The following SH3GL2 variants were observed in gnomAD, a reference collection of about 807,000 sequenced individuals.
SH3GL2 encodes SH3 domain containing GRB2 like 2, endophilin A1, also known as endophilin-A1.
SH3GL2 carries 24 observed loss-of-function variants against 46.0 expected under a neutral mutation model. The ratio of observed to expected loss-of-function variants is 0.52; its 90% confidence interval spans 0.38 to 0.73. The LOEUF is 0.73. SH3GL2 is among the 30% of genes least tolerant of loss of function. The probability of loss-of-function intolerance (pLI) is 0.00; values close to 1 mark genes in which losing one functional copy is unlikely to be tolerated. For synonymous variants in SH3GL2, 196 were observed against 147.1 expected (o/e 1.33, Z -2.40); for missense variants, 413 against 424.2 (o/e 0.97, Z 0.23).
chr9:17,734,643 A>G (rs998396442), intron 1 of SH3GL2, among the ~76,000 whole-genome samples: 7 of 152,152 alleles, frequency 4.6e-5, no homozygotes, highest in African/African-American at 1.7e-4. Flanking sequence ...GCAGTGATAC[A>G]TGTCACAACA....
At chr9:17,619,765 T>C (rs1819094669) in intron 1 of SH3GL2, among the ~76,000 whole-genome samples, 1 of 152,258 alleles carries the variant, frequency 6.6e-6, no homozygotes, top group African/African-American at 2.4e-5. Flanking sequence ...TGTCCATTTT[T>C]TCACAATAGA....
rs149290271 is a variant in SH3GL2, at chr9:17,735,636, A to C, written c.46-11430A>C. 1.5e-3 allele frequency: 326 copies of C among 216,828 alleles called. 2 individuals carry two copies. Among genetic ancestry groups the C allele is most frequent in the African/African-American group, 7.2e-3 (306 of 42,684 alleles). The allele number at this position is 216,828 out of a possible 1,614,324, so 13.4% of individuals were successfully genotyped here. ...ACAGGGCCAACTGAGGGACTTGAGCATATAAGATTTTGGTAGACACAGGGG... is the reference window on the plus strand; with the variant it reads ...ACAGGGCCAACTGAGGGACTTGAGCCTATAAGATTTTGGTAGACACAGGGG... On this transcript the variant is annotated intron_variant, in intron 1 of 8. Coordinates refer to ENST00000380607, the MANE Select transcript of SH3GL2 (RefSeq NM_003026.5).
intron 1 of SH3GL2, among the ~76,000 whole-genome samples, chr9:17,743,383 C>A (rs973766975): frequency 2.6e-5 from 4 of 151,322 alleles, no homozygotes; most frequent in African/African-American, 9.7e-5. Flanking sequence ...ACCATTCAGG[C>A]CAGTATAAGT....
chr9:17,615,535 A>G (rs1017263316), intron 1 of SH3GL2, among the ~76,000 whole-genome samples: 8 of 151,824 alleles, frequency 5.3e-5, no homozygotes, highest in African/African-American at 7.3e-5. Flanking sequence ...GGCGCCTGTA[A>G]TCCCAGCTAC....
intron 1 of SH3GL2, among the ~76,000 whole-genome samples, chr9:17,644,524 G>A (rs117748335): frequency 0.024 from 3,606 of 151,658 alleles, 58 homozygotes; most frequent in Non-Finnish European, 0.036. Flanking sequence ...CTGGTACACT[G>A]TGTGTTCTTA....
At chr9:17,665,582 T>A (rs1820322591) in intron 1 of SH3GL2, among the ~76,000 whole-genome samples, 1 of 152,054 alleles carries the variant, frequency 6.6e-6, no homozygotes, top group South Asian at 2.1e-4. Flanking sequence ...ACTGTCAACA[T>A]TTATTCTGAT....
intron 1 of SH3GL2, among the ~76,000 whole-genome samples, chr9:17,631,554 A>C (rs1998247): frequency 0.24 from 36,112 of 152,082 alleles, 5,041 homozygotes; most frequent in East Asian, 0.47. Context: ...ATCCTGGAGA[A>C]AACAAAGCCC....
chr9:17,733,861 A>G (rs1304541823), intron 1 of SH3GL2, among the ~76,000 whole-genome samples: 1 of 139,636 alleles, frequency 7.2e-6, no homozygotes, highest in Non-Finnish European at 1.6e-5. Flanking sequence ...TCAGTAAACT[A>G]TCGCAAGAAC....
chr9:17,584,147 C>G (rs1818326768), intron 1 of SH3GL2, among the ~76,000 whole-genome samples: 1 of 152,092 alleles, frequency 6.6e-6, no homozygotes, highest in African/African-American at 2.4e-5. Flanking sequence ...GGAGAATGCC[C>G]TTAGCCTGTT....
At chr9:17,712,578 CTGTATTGCCT>C (rs1821655860) in intron 1 of SH3GL2, among the ~76,000 whole-genome samples, 1 of 151,862 alleles carries the variant, frequency 6.6e-6, no homozygotes, top group Non-Finnish European at 1.5e-5. Flanking sequence ...TCTTTCTTCA[CTGTATTGCCT>C]TTCTATCTCT....
intron 1 of SH3GL2, among the ~76,000 whole-genome samples, chr9:17,682,245 A>G (rs1563810261): frequency 6.6e-6 from 1 of 152,198 alleles, no homozygotes; most frequent in Non-Finnish European, 1.5e-5. Flanking sequence ...ATTCTACCCT[A>G]AAGACACATG....
intron 1 of SH3GL2, among the ~76,000 whole-genome samples, chr9:17,625,336 T>A (rs1819257492): frequency 6.6e-6 from 1 of 152,180 alleles, no homozygotes; most frequent in African/African-American, 2.4e-5. Flanking sequence ...TATATTGCTG[T>A]GTGGAATGAG....
At chr9:17,626,026 C>G (rs1819272048) in intron 1 of SH3GL2, among the ~76,000 whole-genome samples, 1 of 152,210 alleles carries the variant, frequency 6.6e-6, no homozygotes, top group Non-Finnish European at 1.5e-5. Flanking sequence ...TCTTCCCCAT[C>G]TCATCTTCCC....
At chr9:17,747,194 GGAGAA>G (rs1822716030) in intron 2 of SH3GL2, 60 bp downstream of exon 2, 1 of 1,098,540 alleles carries the variant, frequency 9.1e-7, no homozygotes, top group African/African-American at 1.6e-5. Flanking sequence ...CATAATTAGA[GGAGAA>G]GAGAAAACGG....
chr9:17,703,346 G>A (rs1394451144), intron 1 of SH3GL2, among the ~76,000 whole-genome samples: 2 of 151,994 alleles, frequency 1.3e-5, no homozygotes, highest in African/African-American at 2.4e-5. Context: ...GAATTTTGAT[G>A]TAATAATCAC....
At chr9:17,772,527 C>G (rs1588321681) in intron 3 of SH3GL2, among the ~76,000 whole-genome samples, 2 of 152,286 alleles carry the variant, frequency 1.3e-5, no homozygotes, top group East Asian at 3.9e-4. Flanking sequence ...CTGGCTACCA[C>G]CATTCTACTT....
chr9:17,687,513 A>ATTTGTAAAT (rs143085217), intron 1 of SH3GL2, among the ~76,000 whole-genome samples: 1 of 151,958 alleles, frequency 6.6e-6, no homozygotes, highest in African/African-American at 2.4e-5. Flanking sequence ...AAAAAATTTC[A>ATTTGTAAAT]ATTGTAAATA....
intron 2 of SH3GL2, among the ~76,000 whole-genome samples, chr9:17,756,728 A>G (rs56224609): frequency 6.6e-6 from 1 of 151,916 alleles, no homozygotes; most frequent in Non-Finnish European, 1.5e-5. Context: ...TCTATCATTG[A>G]TGGACATTTG....
At chr9:17,683,043 C>A (rs562603581) in intron 1 of SH3GL2, among the ~76,000 whole-genome samples, 1 of 152,176 alleles carries the variant, frequency 6.6e-6, no homozygotes, top group South Asian at 2.1e-4. Flanking sequence ...CATAGAGCAA[C>A]TAACTAGCCT....
Sources: gnomAD v4.1 joint callset for allele counts (sites outside exome capture counted in the v4.1 genomes callset) on GRCh38, gnomAD v4.1.1 for gene constraint, MANE v1.5 for transcripts, NCBI Gene and HGNC (gene_info 2026-07-23, HGNC 2026-07-21) for gene names.